The following ADGRA3 variants were observed in gnomAD, a reference collection of about 807,000 sequenced individuals.
ADGRA3 encodes the protein G-protein coupled receptor 125.
In ADGRA3, 56 loss-of-function variants were observed where a neutral mutation model predicts 119.8. The ratio of observed to expected loss-of-function variants is 0.47; its 90% CI spans 0.38 to 0.58. The LOEUF is 0.58. ADGRA3 is among the 20% of genes least tolerant of loss of function. ADGRA3 has a pLI of 0.00. For missense variants in ADGRA3, 1,516 were observed against 1,649.0 expected, an observed-to-expected ratio of 0.92 and a Z score of 1.40; for synonymous variants, 607 against 623.8, an observed-to-expected ratio of 0.97 and a Z score of 0.40.
chr4:22,396,980 G>T (rs1254704392), intron 16 of ADGRA3, among the ~76,000 whole-genome samples: 1 of 152,116 alleles, frequency 6.6e-6, no homozygotes, highest in Non-Finnish European at 1.5e-5. Context: ...TAGACACAAT[G>T]AAGACCTTTA....
chr4:22,457,023 T>C, intron 3 of ADGRA3, among the ~76,000 whole-genome samples: 1 of 152,216 alleles, frequency 6.6e-6, no homozygotes, highest in East Asian at 1.9e-4. Flanking sequence ...CAAGCATATC[T>C]AGGCTCTATT....
intron 10 of ADGRA3, among the ~76,000 whole-genome samples, chr4:22,431,648 CATG>C (rs1270270459): frequency 6.6e-6 from 1 of 152,160 alleles, no homozygotes; most frequent in African/African-American, 2.4e-5. Flanking sequence ...TGCCTTCTGC[CATG>C]ATTGTGAGGC....
At chr4:22,420,600 C>A in intron 12 of ADGRA3, 1 of 448,534 alleles carries the variant, frequency 2.2e-6, no homozygotes, top group Non-Finnish European at 3.9e-6. Flanking sequence ...AAGATTTTTT[C>A]ACATGTAACA....
intron 12 of ADGRA3, 55 bp downstream of exon 12, chr4:22,420,831 G>T: frequency 6.6e-7 from 1 of 1,510,982 alleles, no homozygotes; most frequent in Non-Finnish European, 9.2e-7. Flanking sequence ...CAGAACATTT[G>T]GAGCATTCTA....
chr4:22,400,535 T>C (rs963767027), intron 16 of ADGRA3, among the ~76,000 whole-genome samples: 2 of 151,980 alleles, frequency 1.3e-5, no homozygotes, highest in African/African-American at 4.8e-5. Context: ...GCCATAAGAT[T>C]GGAGGAGAAG....
chr4:22,401,565 A>C lies in ADGRA3; in HGVS notation c.2358-11T>G. 1 of 1,595,046 alleles carries C rather than the reference A, an allele frequency of 6.3e-7. No individual in the cohort carries two copies. The highest frequency in any genetic ancestry group is 8.6e-7 in the Non-Finnish European group (1 of 1,167,712). On this transcript the variant is annotated splice_polypyrimidine_tract_variant and intron_variant, in intron 15 of 18. Coordinates refer to ENST00000334304, the MANE Select transcript of ADGRA3 (RefSeq NM_145290.4). Reference sequence around the variant, plus strand: ...CTGATTCTAATCAAACTGTTTAAAAAAGAGAGAAAATATTAATATTCAGGC... The same window carrying C: ...CTGATTCTAATCAAACTGTTTAAAACAGAGAGAAAATATTAATATTCAGGC...
chr4:22,416,891 T>C (rs978133977), intron 12 of ADGRA3, among the ~76,000 whole-genome samples: 1 of 152,218 alleles, frequency 6.6e-6, no homozygotes, highest in African/African-American at 2.4e-5. Context: ...TCCAATACTT[T>C]CACTACATCT....
At chr4:22,393,535 T>A (rs1714225871) in intron 16 of ADGRA3, 1 of 152,158 alleles carries the variant, frequency 6.6e-6, no homozygotes, top group African/African-American at 2.4e-5. Context: ...AAATTTTCCT[T>A]GATTTTTAAA....
At position 22,420,966 on chromosome 4, in the gene ADGRA3, G is replaced by A. The variant is rs147833167; in HGVS notation, c.1729C>T (p.Arg577Trp). ...TTATCCAGGTTTCCCTCTGGATCCC[G>A]CCTCCCATAATCCGAAAGTCCTGTA... ...DRTGLSDYGR[R>W]DPEGNLDKQL... is the part of the protein sequence containing the mutation. Residue 577 changes from arginine to tryptophan, a missense_variant, in exon 12 of 19, where the codon CGG becomes TGG. Coordinates refer to ENST00000334304, the MANE Select transcript of ADGRA3 (RefSeq NM_145290.4). The A allele has an allele frequency of 2.8e-5, 45 of 1,613,834 alleles. No individual in the cohort carries two copies. The highest frequency in any genetic ancestry group is 1.6e-4 in the Middle Eastern group (1 of 6,084).
intron 1 of ADGRA3, among the ~76,000 whole-genome samples, chr4:22,495,297 C>T (rs141128502): frequency 7.2e-5 from 11 of 152,144 alleles, no homozygotes; most frequent in African/African-American, 1.9e-4. Context: ...CTTATGGCTG[C>T]GCACAGTGGC....
At chr4:22,506,094 AC>A (rs1339391400) in intron 1 of ADGRA3, among the ~76,000 whole-genome samples, 1 of 152,092 alleles carries the variant, frequency 6.6e-6, no homozygotes, top group Non-Finnish European at 1.5e-5. Context: ...CCTGGGACTC[AC>A]CCCCTGCAGA....
At chr4:22,406,602 T>G (rs1423398627) in intron 14 of ADGRA3, among the ~76,000 whole-genome samples, 1 of 152,208 alleles carries the variant, frequency 6.6e-6, no homozygotes, top group African/African-American at 2.4e-5. Context: ...TTTGTATGTC[T>G]TCTTTTCAGA....
chr4:22,447,484 T>C lies in ADGRA3; in HGVS notation c.501A>G (p.Ser167=), dbSNP rs566534617. 2.0e-5 allele frequency: 32 copies of C among 1,579,582 alleles called. No homozygotes were observed. The East Asian group carries it at 6.8e-4, about 34-fold the overall frequency. The change falls in exon 5 of 19, where the codon TCA becomes TCG. Residue 167 remains serine, a synonymous_variant. Coordinates refer to ENST00000334304, the MANE Select transcript of ADGRA3 (RefSeq NM_145290.4). ...GATAATCAAAAGTTCCTTGAGATAA[T>C]GAAGAAAACAAATTCCCCGAAAGGT... ...RLNLSGNLFS[S]LSQGTFDYLA... is the part of the protein sequence containing the mutation.
At chr4:22,416,776 T>A (rs1715447416) in intron 12 of ADGRA3, among the ~76,000 whole-genome samples, 1 of 152,148 alleles carries the variant, frequency 6.6e-6, no homozygotes, top group Admixed American at 6.5e-5. Context: ...ACACAAGAAA[T>A]GACTGTTACC....
chr4:22,467,484 T>A (rs962602688), intron 2 of ADGRA3, among the ~76,000 whole-genome samples: 3 of 152,218 alleles, frequency 2.0e-5, no homozygotes, highest in Non-Finnish European at 4.4e-5. Context: ...TTCCATTTTT[T>A]AAAAACACAC....
chr4:22,445,595 A>G (rs540450133), intron 5 of ADGRA3, among the ~76,000 whole-genome samples: 1 of 152,318 alleles, frequency 6.6e-6, no homozygotes, highest in South Asian at 2.1e-4. Context: ...GCAATCAAAC[A>G]GCAACCTAAA....
rs893860967 is a variant in ADGRA3 at position 22,421,079 on chromosome 4, T to C, written c.1616A>G (p.Asn539Ser). Residue 539 changes from asparagine to serine, a missense_variant, in exon 12 of 19, where the codon AAT (asparagine) becomes AGT (serine). Asn to Ser is a conservative substitution (Grantham distance 46, BLOSUM62 1). Around this residue, in one of 2 missense-constraint regions of ADGRA3, gnomAD observed 1,088 missense variants for 1,107.1 expected, o/e 0.98. Transcript: ENST00000334304. ...GAHVYSTYSP[N>S]IALEAYVIKS... ...GATGACATAAGCTTCCAGAGCAATATTGGGTGAATACTTGAAAAGTCAATC... is the reference window on the plus strand; with the variant it reads ...GATGACATAAGCTTCCAGAGCAATACTGGGTGAATACTTGAAAAGTCAATC... 27 of 1,613,328 alleles carry C rather than the reference T, an allele frequency of 1.7e-5. No individual in the cohort carries two copies. The highest frequency in any genetic ancestry group is 9.4e-5 in the African/African-American group (7 of 74,862).
At chr4:22,510,361 A>G (rs1254620668) in intron 1 of ADGRA3, among the ~76,000 whole-genome samples, 2 of 151,980 alleles carry the variant, frequency 1.3e-5, no homozygotes, top group East Asian at 3.9e-4. Flanking sequence ...TAATCTCTCA[A>G]CACCTCAACT....
chr4:22,387,785 C>T lies in ADGRA3; in HGVS notation c.3886G>A (p.Gly1296Arg), dbSNP rs1382420948. The part of the protein sequence containing the change: ...AIQNGPIKSN[G>R]QEGPLLGTDS... ...GTACCGAGCAAGGGTCCCTCCTGCC[C>T]ATTGCTTTTAATTGGTCCATTCTGA... The change falls in exon 19 of 19, where the codon GGG (glycine) becomes AGG (arginine). Residue 1296 changes from glycine to arginine, a missense_variant. Transcript: ENST00000334304. 6.2e-7 allele frequency: 1 copy of T among 1,614,114 alleles called. No individual in the cohort carries two copies. Among genetic ancestry groups the T allele is most frequent in the Non-Finnish European group, 8.5e-7 (1 of 1,180,004 alleles).
Sources: allele counts gnomAD v4.1 joint callset (sites outside exome capture counted in the v4.1 genomes callset), GRCh38; gene constraint gnomAD v4.1.1; regional missense constraint gnomAD v4.1.1; transcripts MANE v1.5; gene names NCBI Gene and HGNC (gene_info 2026-07-23, HGNC 2026-07-21).